Variants in PPP6R2 observed in about 807,000 individuals in gnomAD.
PPP6R2 encodes the protein serine/threonine-protein phosphatase 6 regulatory subunit 2.
PPP6R2 carries 62 observed loss-of-function variants against 100.2 expected under a neutral mutation model. The observed-to-expected ratio is 0.62, with a 90% CI of 0.50 to 0.76. The LOEUF (loss-of-function observed/expected upper bound fraction) is 0.76, where lower values mean the gene tolerates loss of function less well. Among genes scored for constraint, PPP6R2 ranks in the 30% least tolerant of loss-of-function variants. The pLI is 0.00. For missense variants in PPP6R2, 1,142 were observed against 1,276.3 expected (o/e 0.89, Z 1.60); for synonymous variants, 525 against 514.7 (o/e 1.02, Z -0.27).
chr22:50,441,926 G>T (rs1413850802), intron 22 of PPP6R2, among the ~76,000 whole-genome samples: 1 of 152,118 alleles, frequency 6.6e-6, no homozygotes, highest in Non-Finnish European at 1.5e-5. Flanking sequence ...ACGTGGGGAG[G>T]AGGGCGCACC....
At chr22:50,430,387 C>T (rs2062906825) in intron 10 of PPP6R2, among the ~76,000 whole-genome samples, 1 of 152,250 alleles carries the variant, frequency 6.6e-6, no homozygotes, top group South Asian at 2.1e-4. Context: ...GAGAGTCTAA[C>T]ACACTTCCAA....
rs201133107 is a variant in PPP6R2 at position 50,441,042 on chromosome 22, C to T, written c.2579+16C>T. On this transcript the variant is annotated intron_variant, in intron 22 of 23. Transcript: ENST00000612753. ...CTGTCGGCAGGTGTGTGGGGCGTGGCGGGGGCGGGCCTGCCGGGTGCATAG... is the reference window on the plus strand; with the variant it reads ...CTGTCGGCAGGTGTGTGGGGCGTGGTGGGGGCGGGCCTGCCGGGTGCATAG... 728 of 1,535,386 alleles carry T rather than the reference C, an allele frequency of 4.7e-4. 3 individuals are homozygous for T. The African/African-American group carries it at 8.4e-3, about 18-fold the overall frequency.
chr22:50,435,457 G>C (rs1163791874), intron 13 of PPP6R2, among the ~76,000 whole-genome samples: 1 of 152,224 alleles, frequency 6.6e-6, no homozygotes, highest in Admixed American at 6.5e-5. Flanking sequence ...CTGCACTCAG[G>C]TGATTGGAGA....
Position 50,443,996 on chromosome 22 carries a change from C to G in PPP6R2, c.2710C>G (p.Pro904Ala), listed in dbSNP as rs1395537231. The G allele has an allele frequency of 6.2e-7, 1 of 1,613,184 alleles. No individual in the cohort carries two copies. Among genetic ancestry groups the G allele is most frequent in the Non-Finnish European group, 8.5e-7 (1 of 1,179,908 alleles). Residue 904 changes from proline to alanine, a missense_variant, in exon 23 of 24, where the codon CCC becomes GCC. By Grantham distance (27) the Pro-to-Ala change is conservative. Coordinates refer to ENST00000612753, the MANE Select transcript of PPP6R2 (RefSeq NM_001242898.2). ...CACCACAGCACTGAGCAAGGCTGGC[C>G]CCGCCATACCCACCCCAGCAGTCTC... is the stretch of plus-strand genomic sequence containing the variant. The part of the protein sequence containing the change: ...AITTALSKAG[P>A]AIPTPAVSSA...
intron 1 of PPP6R2, among the ~76,000 whole-genome samples, chr22:50,367,898 C>T (rs1487855184): frequency 1.3e-5 from 2 of 152,130 alleles, no homozygotes; most frequent in Non-Finnish European, 2.9e-5. Context: ...GAATGCCTGG[C>T]TGCGCTGTTA....
At chr22:50,354,402 G>A (rs1217314183) in intron 1 of PPP6R2, among the ~76,000 whole-genome samples, 2 of 152,148 alleles carry the variant, frequency 1.3e-5, no homozygotes, top group Non-Finnish European at 2.9e-5. Flanking sequence ...CCCCAATAAG[G>A]AATCTGAAAT....
chr22:50,349,496 C>G (rs1340935716), intron 1 of PPP6R2, among the ~76,000 whole-genome samples: 1 of 151,826 alleles, frequency 6.6e-6, no homozygotes, highest in African/African-American at 2.4e-5. Context: ...TAGTGAGGCC[C>G]CATCTCTGCC....
chr22:50,407,777 G>A (rs1202297045), intron 4 of PPP6R2, among the ~76,000 whole-genome samples: 2 of 152,168 alleles, frequency 1.3e-5, no homozygotes, highest in Non-Finnish European at 2.9e-5. Flanking sequence ...GTCCGCCTTG[G>A]CCAGTCTTCT....
At chr22:50,376,918 T>G (rs912118700) in intron 2 of PPP6R2, among the ~76,000 whole-genome samples, 5 of 151,848 alleles carry the variant, frequency 3.3e-5, no homozygotes, top group African/African-American at 9.7e-5. Context: ...TCCCAGCTAC[T>G]CGGGAGGCTG....
chr22:50,373,433 C>T (rs1162900434), intron 2 of PPP6R2, among the ~76,000 whole-genome samples: 3 of 151,558 alleles, frequency 2.0e-5, no homozygotes, highest in African/African-American at 4.8e-5. Flanking sequence ...GTAGTAGAGA[C>T]GGCATTTCAC....
chr22:50,440,670 C>G (rs2065372070), intron 21 of PPP6R2, 152 bp from the exon 22 acceptor site: 5 of 846,430 alleles, frequency 5.9e-6, no homozygotes, highest in Admixed American at 2.2e-5. Flanking sequence ...GTGAGCCTGT[C>G]TGCCTCATCA....
rs1205410489 is a variant in PPP6R2, at chr22:50,440,837, C to A, written c.2390C>A (p.Pro797Gln). 11 of 1,613,512 alleles carry A rather than the reference C, an allele frequency of 6.8e-6. No individual in the cohort carries two copies. The highest frequency in any genetic ancestry group is 9.3e-6 in the Non-Finnish European group (11 of 1,180,012). Residue 797 changes from proline (P) to glutamine (Q), a missense_variant, in exon 22 of 24, where the codon CCA (proline) becomes CAA (glutamine). Around this residue, in one of 2 missense-constraint regions of PPP6R2, gnomAD observed 550 missense variants for 517.4 expected, o/e 1.06. Transcript: ENST00000612753. ...GPEKAFSPASPCAWNVCVTRK... is the reference protein window; with the variant it reads ...GPEKAFSPASQCAWNVCVTRK... ...TACTTTGCAGTCAGCCCGGCTTCTC[C>A]ATGTGCCTGGAACGTGTGTGTCACC...
At chr22:50,373,206 A>G (rs927078730) in intron 2 of PPP6R2, among the ~76,000 whole-genome samples, 2 of 150,748 alleles carry the variant, frequency 1.3e-5, no homozygotes, top group African/African-American at 4.9e-5. Context: ...GTTCAGTGAG[A>G]TGCTGGATAA....
Position 50,419,437 on chromosome 22 carries a change from A to T in PPP6R2, c.820A>T (p.Thr274Ser). ...CGTCAGTGGGACTCAGGTGTTACTC[A>T]CCTTGCTGGAAACCAGGCGGGTTGG... The part of the protein sequence containing the change: ...CLVSGTQVLL[T>S]LLETRRVGTE... The change falls in exon 8 of 24, where the codon ACC (threonine) becomes TCC (serine). Residue 274 changes from threonine (T) to serine (S), a missense_variant. Thr to Ser is a moderately conservative substitution (Grantham distance 58, BLOSUM62 1). This residue lies in a region of PPP6R2 where 592 missense variants were observed against 758.9 expected (regional missense o/e 0.78). Coordinates refer to ENST00000612753, the MANE Select transcript of PPP6R2 (RefSeq NM_001242898.2). 1.2e-6 allele frequency: 2 copies of T among 1,614,028 alleles called. No homozygotes were observed.
chr22:50,360,350 C>CT (rs146808027), intron 1 of PPP6R2, among the ~76,000 whole-genome samples: 3,891 of 135,310 alleles, frequency 0.029, 89 homozygotes, highest in East Asian at 0.088. Flanking sequence ...CATGCTCAGC[C>CT]TTTTTTTTTT....
chr22:50,362,144 G>C (rs2047919704), intron 1 of PPP6R2, among the ~76,000 whole-genome samples: 1 of 152,214 alleles, frequency 6.6e-6, no homozygotes, highest in African/African-American at 2.4e-5. Context: ...GAGGAGTCGG[G>C]GCTAGGGCCC....
intron 5 of PPP6R2, 100 bp downstream of exon 5, chr22:50,414,789 A>G (rs1603304007): frequency 1.5e-6 from 2 of 1,343,114 alleles, no homozygotes; most frequent in Non-Finnish European, 2.0e-6. Flanking sequence ...CCCGGCCCCC[A>G]TCTCTCCACC....
chr22:50,433,997 C>A (rs1186147884), intron 12 of PPP6R2, among the ~76,000 whole-genome samples: 1 of 38,494 alleles, frequency 2.6e-5, no homozygotes, highest in African/African-American at 1.1e-4. Context: ...GGGCAGGGGC[C>A]GGGCATTTGC....
chr22:50,413,779 C>A (rs1230109466), intron 4 of PPP6R2, among the ~76,000 whole-genome samples: 8 of 152,058 alleles, frequency 5.3e-5, no homozygotes, highest in African/African-American at 4.8e-5. Context: ...GCCAGGTGGG[C>A]CTTCTCTGTG....
Sources: allele counts gnomAD v4.1 joint callset (sites outside exome capture counted in the v4.1 genomes callset), GRCh38; gene constraint gnomAD v4.1.1; regional missense constraint gnomAD v4.1.1; transcripts MANE v1.5; gene names NCBI Gene and HGNC (gene_info 2026-07-23, HGNC 2026-07-21).